The following CSMD1 variants were observed in gnomAD, a reference collection of about 807,000 sequenced individuals.
CSMD1 encodes CUB and Sushi multiple domains 1.
In CSMD1, 213 loss-of-function variants were observed where a neutral mutation model predicts 417.5. The ratio of observed to expected loss-of-function variants is 0.51; its 90% confidence interval spans 0.46 to 0.57. CSMD1 has a LOEUF of 0.57. CSMD1 is among the 20% of genes least tolerant of loss of function. CSMD1 has a pLI of 0.00. For synonymous variants in CSMD1, 2,862 were observed against 1,736.8 expected (o/e 1.65, Z -16.11); for missense variants, 6,923 against 4,529.7 (o/e 1.53, Z -15.17).
At chr8:3,452,006 T>C (rs995952528) in intron 12 of CSMD1, among the ~76,000 whole-genome samples, 2 of 152,216 alleles carry the variant, frequency 1.3e-5, no homozygotes, top group Middle Eastern at 3.2e-3. Flanking sequence ...CAGTGGTTTG[T>C]AGTTCTCCTC....
At chr8:4,761,426 A>G (rs1402482732) in intron 1 of CSMD1, among the ~76,000 whole-genome samples, 2 of 152,196 alleles carry the variant, frequency 1.3e-5, no homozygotes, top group Non-Finnish European at 2.9e-5. Context: ...ACAATTACAT[A>G]AAATATGTTG....
At chr8:3,652,419 T>A (rs1563236075) in intron 7 of CSMD1, among the ~76,000 whole-genome samples, 1 of 152,204 alleles carries the variant, frequency 6.6e-6, no homozygotes, top group Middle Eastern at 3.2e-3. Flanking sequence ...TGTTTCTGTC[T>A]CCTTCCCAAA....
At position 3,718,120 on chromosome 8, in the gene CSMD1, T is replaced by C. The variant is rs140034440; in HGVS notation, c.932-9629A>G. Among the ~76,000 whole-genome samples the C allele has an allele frequency of 4.9e-4, 75 of 152,342 alleles. 1 individual carries two copies. Among genetic ancestry groups the C allele is most frequent in the African/African-American group, 1.7e-3 (71 of 41,590 alleles). The stretch of plus-strand genomic sequence containing the variant: ...TATTAACATTTAAAATAATGCGCTA[T>C]TGGATCATTCTTTGGGATAAATCTA... On this transcript the variant is annotated intron_variant, in intron 6 of 69. Coordinates refer to ENST00000635120, the MANE Select transcript of CSMD1 (RefSeq NM_033225.6).
At chr8:3,518,847 C>T (rs977651401) in intron 10 of CSMD1, among the ~76,000 whole-genome samples, 2 of 152,218 alleles carry the variant, frequency 1.3e-5, no homozygotes, top group Non-Finnish European at 2.9e-5. Context: ...TTATTCACAT[C>T]GCCAGTCATA....
chr8:3,665,761 C>G (rs1172695988), intron 7 of CSMD1, among the ~76,000 whole-genome samples: 4 of 152,134 alleles, frequency 2.6e-5, no homozygotes, highest in African/African-American at 9.7e-5. Flanking sequence ...GGTGTTTATC[C>G]AAGGCAGTAG....
chr8:3,296,359 A>G lies in CSMD1; in HGVS notation c.3950+11336T>C, dbSNP rs529819207. On this transcript the variant is annotated intron_variant, in intron 25 of 69. Transcript: ENST00000635120. ...GAGCCAGTGCAGCAAGAACAGAGGAAGGGGGACTGGGAAGGAAGAGCTGAG... is the reference window on the plus strand; with the variant it reads ...GAGCCAGTGCAGCAAGAACAGAGGAGGGGGGACTGGGAAGGAAGAGCTGAG... 5.3e-5 allele frequency among the ~76,000 whole-genome samples: 8 copies of G among 152,070 alleles called. No individual in the cohort carries two copies. In the East Asian group the frequency reaches 1.4e-3, roughly 26 times the overall value.
intron 1 of CSMD1, among the ~76,000 whole-genome samples, chr8:4,844,875 T>C (rs1801042952): frequency 6.6e-6 from 1 of 152,182 alleles, no homozygotes; most frequent in Non-Finnish European, 1.5e-5. Context: ...CTACATCTGC[T>C]TAACAGTACC....
intron 21 of CSMD1, among the ~76,000 whole-genome samples, chr8:3,349,832 A>AG (rs1208862809): frequency 2.2e-5 from 3 of 138,374 alleles, no homozygotes; most frequent in African/African-American, 7.8e-5. Context: ...AAATATATAT[A>AG]ATATATCTAG....
chr8:3,781,872 A>AT (rs796867695), intron 5 of CSMD1, among the ~76,000 whole-genome samples: 29 of 151,852 alleles, frequency 1.9e-4, no homozygotes, highest in East Asian at 3.9e-4. Flanking sequence ...TTTTCCCGCT[A>AT]TTTTTTTTCA....
chr8:3,166,058 C>T (rs553582117), intron 37 of CSMD1, among the ~76,000 whole-genome samples: 213 of 151,896 alleles, frequency 1.4e-3, no homozygotes, highest in Middle Eastern at 3.4e-3. Context: ...AAATGTGAAA[C>T]AAATATGATA....
At chr8:4,486,352 C>G (rs2130175112) in intron 2 of CSMD1, among the ~76,000 whole-genome samples, 1 of 149,650 alleles carries the variant, frequency 6.7e-6, no homozygotes, top group South Asian at 2.1e-4. Flanking sequence ...ACGATTCTAC[C>G]AGGTTGCATC....
intron 3 of CSMD1, among the ~76,000 whole-genome samples, chr8:4,325,492 G>A (rs1406095672): frequency 1.3e-5 from 2 of 152,164 alleles, no homozygotes; most frequent in African/African-American, 2.4e-5. Flanking sequence ...TGTGGCTGAA[G>A]TTTGTCTGCT....
At chr8:4,810,260 A>G (rs1798819076) in intron 1 of CSMD1, among the ~76,000 whole-genome samples, 1 of 152,232 alleles carries the variant, frequency 6.6e-6, no homozygotes, top group Non-Finnish European at 1.5e-5. Flanking sequence ...ATGTGAAATG[A>G]TTTACCTAAT....
chr8:3,244,370 A>G (rs546880824), intron 26 of CSMD1, among the ~76,000 whole-genome samples: 1 of 152,232 alleles, frequency 6.6e-6, no homozygotes, highest in South Asian at 2.1e-4. Flanking sequence ...CAAACCTAGG[A>G]CGTGTCCTCC....
intron 2 of CSMD1, among the ~76,000 whole-genome samples, chr8:4,513,329 G>T (rs1563246367): frequency 6.6e-6 from 1 of 152,034 alleles, no homozygotes; most frequent in Non-Finnish European, 1.5e-5. Context: ...ACTAAATCTA[G>T]TAAAACATAA....
intron 2 of CSMD1, among the ~76,000 whole-genome samples, chr8:4,612,207 T>C (rs1662171785): frequency 6.6e-6 from 1 of 152,170 alleles, no homozygotes; most frequent in Admixed American, 6.5e-5. Context: ...GCAGGCACAC[T>C]GCCTTCATCA....
chr8:4,498,004 A>T (rs1427423292), intron 2 of CSMD1, among the ~76,000 whole-genome samples: 3 of 152,124 alleles, frequency 2.0e-5, no homozygotes, highest in Non-Finnish European at 2.9e-5. Context: ...CAAGTACAGT[A>T]AACGTCCCGC....
chr8:3,945,094 G>C (rs537434815), intron 5 of CSMD1, among the ~76,000 whole-genome samples: 1 of 148,984 alleles, frequency 6.7e-6, no homozygotes, highest in Non-Finnish European at 1.5e-5. Context: ...TGAACAGGCT[G>C]ACCCCAGATA....
intron 3 of CSMD1, among the ~76,000 whole-genome samples, chr8:4,390,773 C>A (rs1042742172): frequency 1.3e-5 from 2 of 151,808 alleles, no homozygotes; most frequent in Non-Finnish European, 2.9e-5. Flanking sequence ...AATCTTCTGA[C>A]CTCGTGATCC....
Sources: allele counts gnomAD v4.1 joint callset (sites outside exome capture counted in the v4.1 genomes callset), GRCh38; gene constraint gnomAD v4.1.1; transcripts MANE v1.5; gene names NCBI Gene and HGNC (gene_info 2026-07-23, HGNC 2026-07-21).